RFX4: variants seen among roughly 807,000 people sequenced by gnomAD.
RFX4 encodes the protein regulatory factor X4.
A neutral mutation model predicts 95.0 loss-of-function variants in RFX4; 10 were observed. The ratio of observed to expected loss-of-function variants is 0.11; its 90% CI spans 0.06 to 0.18. RFX4 has a LOEUF of 0.18. Among genes scored for constraint, RFX4 ranks in the 10% least tolerant of loss-of-function variants. The pLI is 1.00. For synonymous variants in RFX4, 321 were observed against 340.7 expected, an observed-to-expected ratio of 0.94 and a Z score of 0.64; for missense variants, 640 against 922.0, an observed-to-expected ratio of 0.69 and a Z score of 3.96.
intron 1 of RFX4, among the ~76,000 whole-genome samples, chr12:106,603,150 A>T (rs1296395768): frequency 1.3e-5 from 2 of 152,032 alleles, no homozygotes; most frequent in Non-Finnish European, 2.9e-5. Flanking sequence ...GTGTGCTATA[A>T]ACTTCAAGGA....
intron 3 of RFX4, among the ~76,000 whole-genome samples, chr12:106,640,798 T>TTG (rs2040606607): frequency 6.8e-6 from 1 of 147,076 alleles, no homozygotes; most frequent in Non-Finnish European, 1.5e-5. Flanking sequence ...TTTTTTTTTT[T>TTG]GAGGTGGAGT....
chr12:106,620,295 A>G (rs1158966486), intron 2 of RFX4, among the ~76,000 whole-genome samples: 2 of 152,152 alleles, frequency 1.3e-5, no homozygotes, highest in African/African-American at 4.8e-5. Flanking sequence ...TCTATTTTCC[A>G]TAAGTGTCGG....
rs1217823122 is a variant in RFX4 at position 106,586,326 on chromosome 12, G to A, written c.43+2963G>A. Among the ~76,000 whole-genome samples, 3 of 152,066 alleles carry A rather than the reference G, an allele frequency of 2.0e-5. No homozygotes were observed. The highest frequency in any genetic ancestry group is 7.2e-5 in the African/African-American group (3 of 41,422). On this transcript the variant is annotated intron_variant, in intron 1 of 17. Transcript: ENST00000392842. The surrounding 1 kb of genome is among the most constrained non-coding windows in gnomAD (Gnocchi z 5.6). The stretch of plus-strand genomic sequence containing the variant: ...CCCGCGTGGCCTGCGCTCCCCACGC[G>A]GGCCACCGGCAGCTACGTGTTTGTG...
At chr12:106,744,977 A>T (rs979004958) in intron 15 of RFX4, among the ~76,000 whole-genome samples, 2 of 152,142 alleles carry the variant, frequency 1.3e-5, no homozygotes, top group African/African-American at 4.8e-5. Context: ...AATTTGGAGG[A>T]CAGTAAACTC....
Position 106,583,097 on chromosome 12 carries a change from C to G in RFX4, c.-224C>G. 1 of 435,394 alleles carries G rather than the reference C, an allele frequency of 2.3e-6. No individual in the cohort carries two copies. The highest frequency in any genetic ancestry group is 4.0e-6 in the Non-Finnish European group (1 of 251,052). 27.0% of individuals were successfully genotyped at this position (435,394 alleles called of 1,614,324 possible). ...TCTCTCTCCCCCTTCTCCGAGCTCG[C>G]TCCCTTCTCTCCCTCTCTCTCCTCT... On this transcript the variant is annotated 5_prime_UTR_variant, in exon 1 of 18. Coordinates refer to ENST00000392842, the MANE Select transcript of RFX4 (RefSeq NM_213594.3).
In RFX4 at chr12:106,750,666, G is replaced by A; in HGVS notation, c.1808G>A (p.Ser603Asn). 1 of 1,605,622 alleles carries A rather than the reference G, an allele frequency of 6.2e-7. No individual in the cohort carries two copies. Among genetic ancestry groups the A allele is most frequent in the African/African-American group, 1.3e-5 (1 of 74,504 alleles). Reference sequence around the variant, plus strand: ...TTGATGCATTTTAGATACACGGGAAGCTATAACTATGGGAGCTATGGCAAC... The same window carrying A: ...TTGATGCATTTTAGATACACGGGAAACTATAACTATGGGAGCTATGGCAAC... ...PHREEHGYTGSYNYGSYGNQH... is the reference protein window; with the variant it reads ...PHREEHGYTGNYNYGSYGNQH... Residue 603 changes from serine (S) to asparagine (N), a missense_variant, in exon 17 of 18, where the codon AGC becomes AAC. Ser to Asn is a conservative substitution (Grantham distance 46). Coordinates refer to ENST00000392842, the MANE Select transcript of RFX4 (RefSeq NM_213594.3).
Position 106,746,303 on chromosome 12 carries a change from C to T in RFX4, c.1634-1134C>T, listed in dbSNP as rs1593009570. ...CCCAGGAGGTGGAGGTTGCAGTGAG[C>T]TGAGATTATGCCACTGCACTCCAGC... On this transcript the variant is annotated intron_variant, in intron 15 of 17. Transcript: ENST00000392842. Among the ~76,000 whole-genome samples the T allele has an allele frequency of 2.0e-5, 3 of 147,900 alleles. No individual in the cohort carries two copies. The East Asian group carries it at 5.9e-4, about 29-fold the overall frequency.
intron 8 of RFX4, among the ~76,000 whole-genome samples, chr12:106,696,994 C>G (rs2041892452): frequency 1.3e-5 from 2 of 152,236 alleles, no homozygotes; most frequent in South Asian, 4.2e-4. Context: ...GGCCACCACA[C>G]AGGGCGCTTC....
chr12:106,605,231 C>T (rs1448639511), intron 1 of RFX4, among the ~76,000 whole-genome samples: 5 of 152,164 alleles, frequency 3.3e-5, no homozygotes, highest in African/African-American at 1.2e-4. Context: ...ATTCAAAATT[C>T]AGTATACATG....
At chr12:106,701,766 T>C (rs1254424189) in intron 8 of RFX4, among the ~76,000 whole-genome samples, 4 of 152,350 alleles carry the variant, frequency 2.6e-5, no homozygotes, top group Middle Eastern at 6.8e-3. Flanking sequence ...GGGTGCCGTA[T>C]GGCTCACACC....
intron 1 of RFX4, chr12:106,601,266 GC>G (rs1407426144): frequency 6.3e-7 from 1 of 1,584,534 alleles, no homozygotes; most frequent in Non-Finnish European, 8.6e-7. Flanking sequence ...ACAGAAAGGG[GC>G]TGAGACAGAA....
In RFX4 at chr12:106,583,475, A is replaced by G. The variant is rs558911592; in HGVS notation, c.43+112A>G. The G allele has an allele frequency of 2.3e-4, 230 of 986,470 alleles. 1 individual carries two copies. The highest frequency in any genetic ancestry group is 2.9e-4 in the Non-Finnish European group (203 of 695,374). 61.1% of individuals were successfully genotyped at this position (986,470 alleles called of 1,614,324 possible). ...TCAGACGGGTCAACTTGACAGTGGA[A>G]CCCCAAAGAATAACGCAGAGCTTGC... On this transcript the variant is annotated intron_variant, in intron 1 of 17. Transcript: ENST00000392842.
intron 1 of RFX4, chr12:106,601,396 C>A (rs1387157169): frequency 6.5e-7 from 1 of 1,531,588 alleles, no homozygotes; most frequent in Admixed American, 2.0e-5. Flanking sequence ...CTGGCACCCT[C>A]AGGGGGAACT....
rs1437063097 is a variant in RFX4, at chr12:106,750,700, T to G, written c.1842T>G (p.Pro614=). 1 of 1,610,342 alleles carries G rather than the reference T, an allele frequency of 6.2e-7. No individual in the cohort carries two copies. The highest frequency in any genetic ancestry group is 8.5e-7 in the Non-Finnish European group (1 of 1,178,458). ...ATGGGAGCTATGGCAACCAGCATCC[T>G]CACCCCATGCAGAGCCAGTATCCGG... ...YNYGSYGNQH[P]HPMQSQYPAL... The change falls in exon 17 of 18, where the codon CCT becomes CCG. Residue 614 remains proline, a synonymous_variant. Transcript: ENST00000392842.
chr12:106,645,656 T>G (rs1425956430), intron 3 of RFX4, among the ~76,000 whole-genome samples: 1 of 152,222 alleles, frequency 6.6e-6, no homozygotes, highest in African/African-American at 2.4e-5. Context: ...ACATTGGGTT[T>G]GGCACTGTTC....
chr12:106,667,467 G>A (rs2041199825), intron 4 of RFX4, among the ~76,000 whole-genome samples: 1 of 152,164 alleles, frequency 6.6e-6, no homozygotes. Context: ...TATTTACTGT[G>A]GGAACCTGGT....
chr12:106,669,038 T>C (rs536738884), intron 4 of RFX4, among the ~76,000 whole-genome samples: 8 of 152,328 alleles, frequency 5.3e-5, no homozygotes, highest in African/African-American at 1.9e-4. Context: ...TCTGTAAAAA[T>C]GCAACTAGAA....
intron 2 of RFX4, among the ~76,000 whole-genome samples, chr12:106,618,182 T>C (rs903269687): frequency 2.0e-5 from 3 of 151,654 alleles, no homozygotes; most frequent in South Asian, 2.1e-4. Context: ...ACATACGTTA[T>C]AGATTATATA....
Position 106,616,721 on chromosome 12 carries a change from A to C in RFX4, c.130+7838A>C, listed in dbSNP as rs368762667. Among the ~76,000 whole-genome samples the C allele has an allele frequency of 2.6e-5, 4 of 152,110 alleles. No homozygotes were observed. In the East Asian group the frequency reaches 7.7e-4, roughly 29 times the overall value. ...AGGAATCTGTTTCATCTAAATTTTCAAGTTTATTTACACTATGTTCAAACT... is the reference window on the plus strand; with the variant it reads ...AGGAATCTGTTTCATCTAAATTTTCCAGTTTATTTACACTATGTTCAAACT... On this transcript the variant is annotated intron_variant, in intron 2 of 17. Transcript: ENST00000392842.
Sources: allele counts gnomAD v4.1 joint callset (sites outside exome capture counted in the v4.1 genomes callset), GRCh38; gene constraint gnomAD v4.1.1; non-coding constraint Gnocchi (gnomAD v3.1); transcripts MANE v1.5; gene names NCBI Gene and HGNC (gene_info 2026-07-23, HGNC 2026-07-21).